Variants in CEP128 observed in about 807,000 individuals in gnomAD.
CEP128 encodes the protein centrosomal protein 128kDa.
A neutral mutation model predicts 156.7 loss-of-function variants in CEP128; 132 were observed. That is an observed-to-expected ratio of 0.84 (90% CI 0.73 to 0.97). The LOEUF is 0.97. Among genes scored for constraint, CEP128 ranks in the 50% least tolerant of loss-of-function variants. The pLI is 0.00. For missense variants in CEP128, 1,252 were observed against 1,281.9 expected, an observed-to-expected ratio of 0.98 and a Z score of 0.36; for synonymous variants, 469 against 448.9, an observed-to-expected ratio of 1.04 and a Z score of -0.57.
intron 19 of CEP128, among the ~76,000 whole-genome samples, chr14:80,642,580 GGCTGAGGCAAGAGGACT>G (rs1894463805): frequency 1.3e-5 from 2 of 152,108 alleles, no homozygotes; most frequent in Non-Finnish European, 2.9e-5. Context: ...CTGTTTGGGA[GGCTGAGGCAAGAGGACT>G]GCTTGAGCCC....
intron 19 of CEP128, among the ~76,000 whole-genome samples, chr14:80,729,052 GGTGGGGGTGT>G (rs1296198627): frequency 1.7e-4 from 16 of 94,694 alleles, no homozygotes; most frequent in South Asian, 1.4e-3. Context: ...AGGCTGGGCT[GGTGGGGGTGT>G]GTGTGTGTGT....
At chr14:80,773,648 G>A (rs865817779) in intron 16 of CEP128, among the ~76,000 whole-genome samples, 3 of 152,022 alleles carry the variant, frequency 2.0e-5, no homozygotes, top group Admixed American at 6.6e-5. Context: ...CCTTCATTAC[G>A]TAAACTTTAA....
chr14:80,571,331 T>G (rs532371368), intron 20 of CEP128, among the ~76,000 whole-genome samples: 1 of 152,318 alleles, frequency 6.6e-6, no homozygotes, highest in South Asian at 2.1e-4. Context: ...ACAACCAGAA[T>G]GTAGTAAAGG....
chr14:80,681,030 C>A lies in CEP128; in HGVS notation c.2806+62045G>T, dbSNP rs149894310. Among the ~76,000 whole-genome samples, 27 of 152,208 alleles carry A rather than the reference C, an allele frequency of 1.8e-4. No homozygotes were observed. The East Asian group carries it at 4.8e-3, about 27-fold the overall frequency. ...ACGTATATACCATGCTGGCTATATA[C>A]CATGCTGGCTATAGTCGGCTCTTGC... On this transcript the variant is annotated intron_variant, in intron 19 of 24. Coordinates refer to ENST00000555265, the MANE Select transcript of CEP128 (RefSeq NM_152446.5).
At chr14:80,559,482 T>C (rs1184156049) in intron 20 of CEP128, among the ~76,000 whole-genome samples, 180 bp from the exon 21 acceptor site, 1 of 152,206 alleles carries the variant, frequency 6.6e-6, no homozygotes, top group Non-Finnish European at 1.5e-5. Flanking sequence ...AAAGAATGAA[T>C]GTATCTTTTT....
In CEP128 at chr14:80,526,986, G is replaced by GGA; in HGVS notation, c.2959-5_2959-4insTC. On this transcript the variant is annotated splice_region_variant and splice_polypyrimidine_tract_variant and intron_variant, in intron 22 of 24. Coordinates refer to ENST00000555265, the MANE Select transcript of CEP128 (RefSeq NM_152446.5). The stretch of plus-strand genomic sequence containing the variant: ...TCTCAGATGAACTGCAGGAATCCTG[G>GGA]AAAAAAAAAAAAGCAAAGGGTCTGA... The GGA allele has an allele frequency of 3.9e-6, 4 of 1,014,192 alleles. No homozygotes were observed. The South Asian group carries it at 4.5e-5, about 11-fold the overall frequency. 62.8% of individuals were successfully genotyped at this position (1,014,192 alleles called of 1,614,324 possible).
intron 14 of CEP128, among the ~76,000 whole-genome samples, chr14:80,787,233 G>A (rs1032399055): frequency 6.6e-6 from 1 of 152,164 alleles, no homozygotes; most frequent in Non-Finnish European, 1.5e-5. Flanking sequence ...GTTCTGAGGA[G>A]AATCCATGTC....
chr14:80,861,041 T>G (rs1335691532), intron 9 of CEP128, among the ~76,000 whole-genome samples: 2 of 151,994 alleles, frequency 1.3e-5, no homozygotes, highest in African/African-American at 2.4e-5. Context: ...AAAATGATAG[T>G]AACAAAATAT....
At chr14:80,854,990 A>G (rs1887073932) in intron 9 of CEP128, among the ~76,000 whole-genome samples, 1 of 152,214 alleles carries the variant, frequency 6.6e-6, no homozygotes, top group Admixed American at 6.5e-5. Flanking sequence ...ATCTTTACAG[A>G]AGAAGAAAAA....
intron 20 of CEP128, among the ~76,000 whole-genome samples, chr14:80,560,309 C>G (rs1890615620): frequency 6.6e-6 from 1 of 152,082 alleles, no homozygotes; most frequent in South Asian, 2.1e-4. Context: ...CCTGTAATCC[C>G]ACCTACTCAG....
At chr14:80,684,796 C>T (rs1896464053) in intron 19 of CEP128, among the ~76,000 whole-genome samples, 1 of 150,774 alleles carries the variant, frequency 6.6e-6, no homozygotes, top group African/African-American at 2.4e-5. Flanking sequence ...GTTCGTTCAA[C>T]ATATGTAAAT....
intron 4 of CEP128, among the ~76,000 whole-genome samples, chr14:80,911,317 G>A (rs1165139353): frequency 6.6e-6 from 1 of 152,076 alleles, no homozygotes; most frequent in Non-Finnish European, 1.5e-5. Flanking sequence ...TGGCCAACAT[G>A]GTAAGATCCC....
At chr14:80,846,461 A>AAG (rs371530815) in intron 9 of CEP128, among the ~76,000 whole-genome samples, 2 of 151,572 alleles carry the variant, frequency 1.3e-5, no homozygotes, top group Non-Finnish European at 2.9e-5. Flanking sequence ...AGAAGAACAA[A>AAG]AGTCATATGG....
chr14:80,832,605 T>C (rs1276511916), intron 12 of CEP128, among the ~76,000 whole-genome samples: 2 of 152,198 alleles, frequency 1.3e-5, no homozygotes, highest in Non-Finnish European at 1.5e-5. Flanking sequence ...TAGCTCTGTC[T>C]CAGTGAGGAA....
At chr14:80,783,337 G>T (rs1247902542) in intron 15 of CEP128, among the ~76,000 whole-genome samples, 1 of 152,180 alleles carries the variant, frequency 6.6e-6, no homozygotes, top group East Asian at 1.9e-4. Flanking sequence ...TAAGAACACA[G>T]TTAATTACCT....
chr14:80,842,712 C>T (rs964124242), intron 9 of CEP128, among the ~76,000 whole-genome samples: 13 of 151,608 alleles, frequency 8.6e-5, no homozygotes, highest in African/African-American at 1.2e-4. Flanking sequence ...TATATTAAAA[C>T]GGACCCAGTA....
At chr14:80,844,235 C>T (rs968830070) in intron 9 of CEP128, among the ~76,000 whole-genome samples, 1 of 151,594 alleles carries the variant, frequency 6.6e-6, no homozygotes, top group Non-Finnish European at 1.5e-5. Context: ...AATCCCTGAA[C>T]CAATATCTAA....
At chr14:80,797,000 A>G (rs2139864386) in intron 13 of CEP128, among the ~76,000 whole-genome samples, 2 of 152,326 alleles carry the variant, frequency 1.3e-5, no homozygotes, top group Middle Eastern at 6.8e-3. Flanking sequence ...TGAAATAATC[A>G]CTGTAGGAAA....
At chr14:80,694,988 T>C (rs950843401) in intron 19 of CEP128, among the ~76,000 whole-genome samples, 2 of 151,794 alleles carry the variant, frequency 1.3e-5, no homozygotes, top group Admixed American at 1.3e-4. Flanking sequence ...ACATTAACCA[T>C]AAATAAGAAT....
Sources: allele counts gnomAD v4.1 joint callset (sites outside exome capture counted in the v4.1 genomes callset), GRCh38; gene constraint gnomAD v4.1.1; transcripts MANE v1.5; gene names NCBI Gene and HGNC (gene_info 2026-07-23, HGNC 2026-07-21).